CA8: variants seen among roughly 807,000 people sequenced by gnomAD.
The protein encoded by CA8 is carbonic anhydrase-related protein.
CA8 carries 22 observed loss-of-function variants against 41.4 expected under a neutral mutation model. The ratio of observed to expected loss-of-function variants is 0.53; its 90% CI spans 0.38 to 0.76. The LOEUF (loss-of-function observed/expected upper bound fraction) is 0.76, where lower values mean the gene tolerates loss of function less well. Ranked by LOEUF, CA8 falls within the 30% of genes least tolerant of loss-of-function variation. CA8 has a pLI of 0.00. For synonymous variants in CA8, 121 were observed against 130.6 expected, an observed-to-expected ratio of 0.93 and a Z score of 0.50; for missense variants, 270 against 352.8, an observed-to-expected ratio of 0.77 and a Z score of 1.88.
intron 3 of CA8, among the ~76,000 whole-genome samples, chr8:60,259,918 C>A (rs1044878714): frequency 6.6e-6 from 1 of 152,054 alleles, no homozygotes; most frequent in African/African-American, 2.4e-5. Context: ...CATTTAGAGA[C>A]AAGTTGTTCC....
intron 3 of CA8, among the ~76,000 whole-genome samples, chr8:60,253,371 C>A (rs116230903): frequency 1.9e-4 from 29 of 152,188 alleles, no homozygotes; most frequent in African/African-American, 7.0e-4. Flanking sequence ...AAGTGTACCA[C>A]GATTATTCCA....
rs370038518 is a variant in CA8 at position 60,185,629 on chromosome 8, C to T, written c.*4392G>A. On this transcript the variant is annotated 3_prime_UTR_variant, in exon 9 of 9. Coordinates refer to ENST00000317995, the MANE Select transcript of CA8 (RefSeq NM_004056.6). ...AAGGAAACCTCATTAAGCTTTATAG[C>T]TGGCATCTCAGCAGATGCTGAGAAA... 2.6e-5 allele frequency among the ~76,000 whole-genome samples: 4 copies of T among 152,076 alleles called. 1 individual carries two copies. The East Asian group carries it at 5.8e-4, about 22-fold the overall frequency.
At chr8:60,261,086 GAGA>G (rs1181473560) in intron 3 of CA8, among the ~76,000 whole-genome samples, 4 of 151,870 alleles carry the variant, frequency 2.6e-5, no homozygotes, top group East Asian at 1.9e-4. Flanking sequence ...CGCCTGGAAA[GAGA>G]AGAAGAAATG....
At chr8:60,248,744 T>C (rs1808340363) in intron 3 of CA8, among the ~76,000 whole-genome samples, 1 of 152,192 alleles carries the variant, frequency 6.6e-6, no homozygotes, top group Non-Finnish European at 1.5e-5. Context: ...GGCTCTTTTT[T>C]GGTTCCATAT....
chr8:60,238,456 T>C (rs544147478), intron 3 of CA8, among the ~76,000 whole-genome samples: 43 of 152,294 alleles, frequency 2.8e-4, no homozygotes, highest in African/African-American at 9.6e-4. Flanking sequence ...AGATGTCTTC[T>C]TGACACCTCA....
At chr8:60,277,598 A>G (rs112263576) in intron 2 of CA8, among the ~76,000 whole-genome samples, 3,630 of 152,092 alleles carry the variant, frequency 0.024, 123 homozygotes, top group African/African-American at 0.081. Context: ...CCACTGATCC[A>G]CCCACCTCAG....
At chr8:60,246,214 A>C (rs1424023177) in intron 3 of CA8, among the ~76,000 whole-genome samples, 1 of 152,158 alleles carries the variant, frequency 6.6e-6, no homozygotes, top group Non-Finnish European at 1.5e-5. Context: ...TCAAAAACCT[A>C]TGTAAATTCA....
intron 3 of CA8, among the ~76,000 whole-genome samples, chr8:60,254,993 T>G (rs1026903313): frequency 2.6e-5 from 4 of 152,144 alleles, no homozygotes; most frequent in African/African-American, 9.7e-5. Flanking sequence ...CAGAGCTTTG[T>G]CCTCTTGCTA....
chr8:60,217,912 T>A (rs973655200), intron 7 of CA8, among the ~76,000 whole-genome samples: 1 of 152,204 alleles, frequency 6.6e-6, no homozygotes, highest in Non-Finnish European at 1.5e-5. Flanking sequence ...AGAGCATGTT[T>A]CTTGAATTCA....
intron 3 of CA8, among the ~76,000 whole-genome samples, chr8:60,244,984 T>C (rs962747216): frequency 2.6e-5 from 4 of 152,224 alleles, no homozygotes; most frequent in Admixed American, 2.6e-4. Context: ...CATGACCTGA[T>C]TATTCAGCTA....
At chr8:60,275,884 G>T (rs950063083) in intron 2 of CA8, among the ~76,000 whole-genome samples, 1 of 152,146 alleles carries the variant, frequency 6.6e-6, no homozygotes, top group Non-Finnish European at 1.5e-5. Flanking sequence ...AAGCAGAACG[G>T]CGCTAGATCT....
intron 8 of CA8, among the ~76,000 whole-genome samples, chr8:60,203,558 T>C (rs1485864573): frequency 1.3e-5 from 2 of 152,204 alleles, no homozygotes; most frequent in Non-Finnish European, 1.5e-5. Context: ...ATTTTTAAGA[T>C]TTTTAATCAT....
intron 3 of CA8, among the ~76,000 whole-genome samples, chr8:60,251,887 G>C (rs1195630084): frequency 6.6e-6 from 1 of 152,102 alleles, no homozygotes; most frequent in African/African-American, 2.4e-5. Context: ...TTGTCCCAAG[G>C]CTTTTTAGCT....
At chr8:60,230,345 T>A (rs1351006406) in intron 4 of CA8, among the ~76,000 whole-genome samples, 1 of 152,100 alleles carries the variant, frequency 6.6e-6, no homozygotes, top group Non-Finnish European at 1.5e-5. Flanking sequence ...GTATTTTTAA[T>A]CTCTATGTCT....
chr8:60,238,712 T>C (rs563540788), intron 3 of CA8, among the ~76,000 whole-genome samples: 62 of 152,258 alleles, frequency 4.1e-4, no homozygotes, highest in Non-Finnish European at 6.3e-4. Flanking sequence ...TTTCCTTTAT[T>C]TCCTATCCAT....
chr8:60,223,670 C>A (rs1000968521), intron 6 of CA8, among the ~76,000 whole-genome samples: 2 of 152,150 alleles, frequency 1.3e-5, no homozygotes, highest in African/African-American at 2.4e-5. Flanking sequence ...TACAATAAAA[C>A]AAAATGAGTC....
At chr8:60,231,937 GA>G (rs1387391310) in intron 4 of CA8, among the ~76,000 whole-genome samples, 2 of 151,950 alleles carry the variant, frequency 1.3e-5, no homozygotes, top group Non-Finnish European at 2.9e-5. Context: ...TATTGTTATT[GA>G]TTTTTTTTGT....
chr8:60,281,071 C>T lies in CA8; in HGVS notation c.77G>A (p.Gly26Asp), dbSNP rs1208106874. 4 of 1,611,256 alleles carry T rather than the reference C, an allele frequency of 2.5e-6. No homozygotes were observed. The East Asian group carries it at 6.7e-5, about 27-fold the overall frequency. Reference sequence around the variant, plus strand: ...ACCTTCCTCGTAGCCCCACTCCACACCCTCCTCTTCTTCCTCCTCATCCTC... The same window carrying T: ...ACCTTCCTCGTAGCCCCACTCCACATCCTCCTCTTCTTCCTCCTCATCCTC... ...KEEDEEEEEE[G>D]VEWGYEEGVE... The change falls in exon 1 of 9, where the codon GGT (glycine) becomes GAT (aspartate). Residue 26 changes from glycine (G) to aspartate (D), a missense_variant. Around this residue, in one of 3 missense-constraint regions of CA8, gnomAD observed 123 missense variants for 136.8 expected, o/e 0.90. Coordinates refer to ENST00000317995, the MANE Select transcript of CA8 (RefSeq NM_004056.6).
At chr8:60,229,424 C>T (rs1182822817) in intron 4 of CA8, among the ~76,000 whole-genome samples, 2 of 152,164 alleles carry the variant, frequency 1.3e-5, no homozygotes, top group Non-Finnish European at 2.9e-5. Context: ...CTCAAGCCAT[C>T]CTCCCGAGGG....
Sources: allele counts gnomAD v4.1 joint callset (sites outside exome capture counted in the v4.1 genomes callset), GRCh38; gene constraint gnomAD v4.1.1; regional missense constraint gnomAD v4.1.1; transcripts MANE v1.5; gene names NCBI Gene and HGNC (gene_info 2026-07-23, HGNC 2026-07-21).